The following CPM variants were observed in gnomAD, a reference collection of about 807,000 sequenced individuals.
The protein encoded by CPM is renal carboxypeptidase.
A neutral mutation model predicts 46.4 loss-of-function variants in CPM; 35 were observed. The observed-to-expected ratio is 0.75, with a 90% CI of 0.58 to 1.00. The LOEUF is 1.00. Ranked by LOEUF, CPM falls within the 50% of genes least tolerant of loss-of-function variation. The probability of loss-of-function intolerance (pLI) is 0.00; values close to 1 mark genes in which losing one functional copy is unlikely to be tolerated. For synonymous variants in CPM, 195 were observed against 195.3 expected, an observed-to-expected ratio of 1.00 and a Z score of 0.01; for missense variants, 422 against 530.4, an observed-to-expected ratio of 0.80 and a Z score of 2.01.
chr12:68,877,410 T>C (rs1468800226), intron 3 of CPM, among the ~76,000 whole-genome samples: 1 of 152,234 alleles, frequency 6.6e-6, no homozygotes, highest in African/African-American at 2.4e-5. Context: ...GGAAGAACTT[T>C]CTGAAATTCA....
intron 3 of CPM, among the ~76,000 whole-genome samples, chr12:68,877,249 C>T (rs991969954): frequency 2.0e-5 from 3 of 152,164 alleles, no homozygotes; most frequent in African/African-American, 7.2e-5. Flanking sequence ...ACTCCACCAT[C>T]GAAGCCCCGA....
At chr12:68,950,617 C>A (rs868824126) in intron 1 of CPM, among the ~76,000 whole-genome samples, 1 of 152,182 alleles carries the variant, frequency 6.6e-6, no homozygotes, top group East Asian at 1.9e-4. Flanking sequence ...AGCTCACATA[C>A]ATTGTTGCTT....
At chr12:68,941,935 T>G (rs1247549296) in intron 1 of CPM, among the ~76,000 whole-genome samples, 1 of 152,192 alleles carries the variant, frequency 6.6e-6, no homozygotes, top group African/African-American at 2.4e-5. Flanking sequence ...ATAAGAAAAT[T>G]GTTAGTGAAA....
chr12:68,963,143 G>C (rs1386038825), intron 1 of CPM: 3 of 157,156 alleles, frequency 1.9e-5, no homozygotes, highest in African/African-American at 7.2e-5. Context: ...TATAAAAACT[G>C]GTCATAAGGA....
Position 68,888,624 on chromosome 12 carries a change from T to G in CPM, c.161-2735A>C, listed in dbSNP as rs548495961. 2.6e-5 allele frequency among the ~76,000 whole-genome samples: 4 copies of G among 152,300 alleles called. No homozygotes were observed. The South Asian group carries it at 8.3e-4, about 32-fold the overall frequency. On this transcript the variant is annotated intron_variant, in intron 2 of 8. Coordinates refer to ENST00000551568, the MANE Select transcript of CPM (RefSeq NM_198320.5). ...TAAAAGTAATCTAAACAAGGTTTTG[T>G]TTTTGTTTTTGTTTTAAATCAAGGT...
Position 68,854,821 on chromosome 12 carries a change from TAGAGAGC to T in CPM, c.*1609_*1615del, listed in dbSNP as rs1322393909. 3 of 152,120 alleles carry T rather than the reference TAGAGAGC, an allele frequency of 2.0e-5. No individual in the cohort carries two copies. Among genetic ancestry groups the T allele is most frequent in the African/African-American group, 4.8e-5 (2 of 41,398 alleles). The allele number at this position is 152,120 out of a possible 1,614,324, so 9.4% of individuals were successfully genotyped here. A position where few individuals can be genotyped will look rare whatever the true frequency, so the allele number is the denominator to read the frequency against. On this transcript the variant is annotated 3_prime_UTR_variant, in exon 9 of 9. Transcript: ENST00000551568. ...CTCAACTCTGCAGTGTTGACAACCATAGAGAGCAGAGAGCAGAATTCATCAATATTTA... is the reference window on the plus strand; with the variant it reads ...CTCAACTCTGCAGTGTTGACAACCATAGAGAGCAGAATTCATCAATATTTA...
chr12:68,913,646 C>T (rs1270912947), intron 2 of CPM, among the ~76,000 whole-genome samples: 1 of 152,004 alleles, frequency 6.6e-6, no homozygotes, highest in African/African-American at 2.4e-5. Flanking sequence ...CTTGGCAACC[C>T]CAGAGAGCCT....
intron 2 of CPM, among the ~76,000 whole-genome samples, chr12:68,931,764 AAAG>A (rs1404816134): frequency 0.055 from 5,610 of 102,188 alleles, 370 homozygotes; most frequent in African/African-American, 0.17. Flanking sequence ...AAAAAAAAAA[AAAG>A]AAAGAAAGAA....
At chr12:68,893,346 C>T (rs1886735237) in intron 2 of CPM, among the ~76,000 whole-genome samples, 3 of 152,204 alleles carry the variant, frequency 2.0e-5, no homozygotes, top group East Asian at 1.9e-4. Context: ...TTTCTGAACT[C>T]GCAAAGCTGA....
At chr12:68,864,099 AGTT>A (rs1265392287) in intron 7 of CPM, among the ~76,000 whole-genome samples, 1 of 152,208 alleles carries the variant, frequency 6.6e-6, no homozygotes, top group Non-Finnish European at 1.5e-5. Flanking sequence ...TTTTTGAGTG[AGTT>A]GTTTGCATCT....
chr12:68,846,143 T>TG (rs1418719157), intron 5 of CPM: 3 of 152,152 alleles, frequency 2.0e-5, no homozygotes, highest in African/African-American at 7.2e-5. Flanking sequence ...TTAGTAGAGA[T>TG]GGGGTTTCAG....
At chr12:68,939,632 A>G (rs1254606998) in intron 1 of CPM, among the ~76,000 whole-genome samples, 2 of 152,092 alleles carry the variant, frequency 1.3e-5, no homozygotes, top group Non-Finnish European at 2.9e-5. Context: ...GCAAATCTGT[A>G]ATAACGAGTC....
At chr12:68,953,566 A>G (rs763013874) in intron 1 of CPM, among the ~76,000 whole-genome samples, 1 of 152,166 alleles carries the variant, frequency 6.6e-6, no homozygotes, top group Non-Finnish European at 1.5e-5. Flanking sequence ...TCATTTATTC[A>G]TTCACAAACA....
intron 1 of CPM, among the ~76,000 whole-genome samples, chr12:68,961,085 A>G (rs969614942): frequency 1.4e-4 from 21 of 152,204 alleles, no homozygotes; most frequent in African/African-American, 5.1e-4. Flanking sequence ...TGGTCTGAGG[A>G]TTGAGGTACA....
chr12:68,928,359 C>T (rs917632449), intron 2 of CPM, among the ~76,000 whole-genome samples: 9 of 152,164 alleles, frequency 5.9e-5, no homozygotes, highest in African/African-American at 9.7e-5. Flanking sequence ...ACACCTTATA[C>T]AAAAATTAAT....
At chr12:68,905,528 G>A (rs765867946) in intron 2 of CPM, among the ~76,000 whole-genome samples, 1 of 151,958 alleles carries the variant, frequency 6.6e-6, no homozygotes, top group Admixed American at 6.6e-5. Context: ...TGATCCACTC[G>A]CCTCACCCTC....
At chr12:68,883,866 G>A (rs1360478207) in intron 3 of CPM, among the ~76,000 whole-genome samples, 1 of 151,382 alleles carries the variant, frequency 6.6e-6, no homozygotes, top group Non-Finnish European at 1.5e-5. Context: ...AGGCTGAGGC[G>A]GGCGGATCAC....
At chr12:68,897,270 G>A (rs1886910311) in intron 2 of CPM, among the ~76,000 whole-genome samples, 1 of 150,114 alleles carries the variant, frequency 6.7e-6, no homozygotes, top group South Asian at 2.1e-4. Flanking sequence ...TTCCCCTTTA[G>A]GTTTTTTTTT....
At chr12:68,861,910 CAAAAAAAA>C (rs58592710) in intron 7 of CPM, among the ~76,000 whole-genome samples, 3 of 39,266 alleles carry the variant, frequency 7.6e-5, no homozygotes, top group South Asian at 1.1e-3. Flanking sequence ...CAGAAGACAC[CAAAAAAAA>C]AAAAAAAAAA....
Sources: gnomAD v4.1 joint callset for allele counts (sites outside exome capture counted in the v4.1 genomes callset) on GRCh38, gnomAD v4.1.1 for gene constraint, MANE v1.5 for transcripts, NCBI Gene and HGNC (gene_info 2026-07-23, HGNC 2026-07-21) for gene names.